The following PRKCB variants were observed in gnomAD, a reference collection of about 807,000 sequenced individuals.
PRKCB encodes the protein protein kinase C beta type.
A neutral mutation model predicts 81.5 loss-of-function variants in PRKCB; 13 were observed. That is an observed-to-expected ratio of 0.16 (90% CI 0.10 to 0.25). The LOEUF (loss-of-function observed/expected upper bound fraction) is 0.25, where lower values mean the gene tolerates loss of function less well. Ranked by LOEUF, PRKCB falls within the 10% of genes least tolerant of loss-of-function variation. The pLI, the probability that PRKCB is intolerant of heterozygous loss-of-function variation, is 1.00. For missense variants in PRKCB, 509 were observed against 875.7 expected, an observed-to-expected ratio of 0.58 and a Z score of 5.29; for synonymous variants, 335 against 321.4, an observed-to-expected ratio of 1.04 and a Z score of -0.45.
chr16:23,921,436 T>C (rs1459986722), intron 2 of PRKCB, among the ~76,000 whole-genome samples: 1 of 152,146 alleles, frequency 6.6e-6, no homozygotes, highest in African/African-American at 2.4e-5. Context: ...GAGCTTTCGG[T>C]CTCGTGAGGA....
At chr16:23,927,169 A>T (rs976479663) in intron 2 of PRKCB, among the ~76,000 whole-genome samples, 9 of 122,968 alleles carry the variant, frequency 7.3e-5, no homozygotes, top group Admixed American at 1.8e-4. Context: ...TGAAGGCATC[A>T]GGAAGGCTTC....
At chr16:23,899,011 G>A (rs1264676660) in intron 2 of PRKCB, among the ~76,000 whole-genome samples, 4 of 152,198 alleles carry the variant, frequency 2.6e-5, no homozygotes, top group Non-Finnish European at 4.4e-5. Context: ...CGTTGTGACT[G>A]TTATTTTTAT....
chr16:24,141,950 C>T (rs993683715), intron 9 of PRKCB, among the ~76,000 whole-genome samples: 3 of 152,218 alleles, frequency 2.0e-5, no homozygotes, highest in Non-Finnish European at 4.4e-5. Context: ...ATCCCCTATA[C>T]ACACCCACAG....
At chr16:23,861,543 G>T (rs1962663837) in intron 2 of PRKCB, among the ~76,000 whole-genome samples, 1 of 152,144 alleles carries the variant, frequency 6.6e-6, no homozygotes, top group Non-Finnish European at 1.5e-5. Flanking sequence ...TTTAATCAAA[G>T]ACTTAACACT....
chr16:24,095,123 T>G (rs1000626326), intron 7 of PRKCB, among the ~76,000 whole-genome samples: 2 of 152,156 alleles, frequency 1.3e-5, no homozygotes, highest in African/African-American at 4.8e-5. Flanking sequence ...CTAAACTACA[T>G]GATGAGACTG....
intron 9 of PRKCB, among the ~76,000 whole-genome samples, chr16:24,135,708 A>G (rs932915578): frequency 2.0e-5 from 3 of 152,178 alleles, no homozygotes; most frequent in African/African-American, 4.8e-5. Context: ...CATGCCAGGA[A>G]CAAAGGCCTT....
chr16:24,160,865 T>A (rs1362108149), intron 10 of PRKCB, among the ~76,000 whole-genome samples: 1 of 151,790 alleles, frequency 6.6e-6, no homozygotes, highest in Non-Finnish European at 1.5e-5. Context: ...GGGGGCAGAG[T>A]GTTCCAGGCA....
chr16:23,893,954 A>G (rs956463212), intron 2 of PRKCB: 1 of 152,226 alleles, frequency 6.6e-6, no homozygotes, highest in Non-Finnish European at 1.5e-5. Flanking sequence ...TCATCGCACA[A>G]CTTAGTGGTG....
In PRKCB at chr16:23,899,626, CTCTCTCTCTCTCTCTCTCTG is replaced by C. The variant is rs1459275757; in HGVS notation, c.205+62222_205+62241del. Among the ~76,000 whole-genome samples the C allele has an allele frequency of 8.8e-5, 3 of 33,962 alleles. 1 individual carries two copies. The highest frequency in any genetic ancestry group is 1.7e-3 in the East Asian group (1 of 586). 22.3% of individuals were successfully genotyped at this position (33,962 alleles called of 152,430 possible). ...GAACTCTCTCTCTCTCTCTCTCTCT[CTCTCTCTCTCTCTCTCTCTG>C]TGTGTGTGTGTGTGTGTGTGTGGTT... On this transcript the variant is annotated intron_variant, in intron 2 of 16. Coordinates refer to ENST00000643927, the MANE Select transcript of PRKCB (RefSeq NM_002738.7).
At chr16:23,869,003 T>A in intron 2 of PRKCB, 1 of 396,884 alleles carries the variant, frequency 2.5e-6, no homozygotes, top group Admixed American at 2.6e-5. Flanking sequence ...TGAGGCGACT[T>A]GCCCAGGGTC....
chr16:23,919,096 G>A (rs1191737480), intron 2 of PRKCB, among the ~76,000 whole-genome samples: 1 of 152,106 alleles, frequency 6.6e-6, no homozygotes, highest in Non-Finnish European at 1.5e-5. Flanking sequence ...TCATTTTGTT[G>A]TTTAAATTAA....
At chr16:23,995,683 A>G (rs907966664) in intron 3 of PRKCB, among the ~76,000 whole-genome samples, 3 of 152,142 alleles carry the variant, frequency 2.0e-5, no homozygotes, top group Non-Finnish European at 4.4e-5. Flanking sequence ...TATGTATGTG[A>G]TCAAGCCTGG....
intron 2 of PRKCB, among the ~76,000 whole-genome samples, chr16:23,873,202 A>AAAAAAAG (rs1962940146): frequency 2.4e-5 from 2 of 83,404 alleles, no homozygotes; most frequent in African/African-American, 5.0e-5. Flanking sequence ...AAAAAAAAAA[A>AAAAAAAG]AAAAAAAGAA....
intron 3 of PRKCB, among the ~76,000 whole-genome samples, chr16:24,003,701 T>C (rs1233992240): frequency 2.6e-5 from 4 of 152,184 alleles, no homozygotes; most frequent in African/African-American, 4.8e-5. Context: ...CCTGCATTCA[T>C]AATTGATCTC....
Position 24,002,297 on chromosome 16 carries a change from A to G in PRKCB, c.288+13707A>G, listed in dbSNP as rs1407865988. On this transcript the variant is annotated intron_variant, in intron 3 of 16. Transcript: ENST00000643927. ...GCAAGAGAGGGAAATCCCAAAGCACAGGTGTGTGTGTGTGTATGTGTGTGT... is the reference window on the plus strand; with the variant it reads ...GCAAGAGAGGGAAATCCCAAAGCACGGGTGTGTGTGTGTGTATGTGTGTGT... Among the ~76,000 whole-genome samples the G allele has an allele frequency of 2.0e-5, 3 of 149,726 alleles. No individual in the cohort carries two copies. In the South Asian group the frequency reaches 6.6e-4, roughly 33 times the overall value.
At chr16:24,090,981 C>T (rs1239468559) in intron 5 of PRKCB, among the ~76,000 whole-genome samples, 1 of 152,102 alleles carries the variant, frequency 6.6e-6, no homozygotes, top group Non-Finnish European at 1.5e-5. Context: ...CCAGCCTTTT[C>T]CCTATGGGCT....
chr16:23,964,383 C>G (rs139611760), intron 2 of PRKCB, among the ~76,000 whole-genome samples: 1 of 152,182 alleles, frequency 6.6e-6, no homozygotes, highest in South Asian at 2.1e-4. Context: ...GCTGCCTTTG[C>G]GCTACAAGGA....
At chr16:24,182,641 A>T (rs1967643372) in intron 13 of PRKCB, among the ~76,000 whole-genome samples, 2 of 152,288 alleles carry the variant, frequency 1.3e-5, no homozygotes, top group South Asian at 2.1e-4. Context: ...AGAGCCTGGG[A>T]TGTGACAGCA....
At chr16:24,090,750 G>C (rs1255650624) in intron 5 of PRKCB, among the ~76,000 whole-genome samples, 1 of 152,106 alleles carries the variant, frequency 6.6e-6, no homozygotes, top group African/African-American at 2.4e-5. Context: ...AAGATAGTAG[G>C]GTACTTGAAA....
Sources: allele counts gnomAD v4.1 joint callset (sites outside exome capture counted in the v4.1 genomes callset), GRCh38; gene constraint gnomAD v4.1.1; transcripts MANE v1.5; gene names NCBI Gene and HGNC (gene_info 2026-07-23, HGNC 2026-07-21).